Variants in RIF1 observed in about 807,000 individuals in gnomAD.
RIF1 encodes the protein telomere-associated protein RIF1.
RIF1 carries 45 observed loss-of-function variants against 247.1 expected under a neutral mutation model. The ratio of observed to expected loss-of-function variants is 0.18; its 90% confidence interval spans 0.14 to 0.23. The LOEUF is 0.23. RIF1 is among the 10% of genes least tolerant of loss of function. The pLI, the probability that RIF1 is intolerant of heterozygous loss-of-function variation, is 1.00. For missense variants in RIF1, 2,967 were observed against 2,862.5 expected, an observed-to-expected ratio of 1.04 and a Z score of -0.83; for synonymous variants, 1,087 against 978.8, an observed-to-expected ratio of 1.11 and a Z score of -2.06.
the RIF1 span, among the ~76,000 whole-genome samples, chr2:151,517,482 TA>T: frequency 6.6e-6 from 1 of 152,244 alleles, no homozygotes; most frequent in Non-Finnish European, 1.5e-5. Context: ...CATGTGATAG[TA>T]AGTTCTTTCC....
chr2:151,457,276 C>A (rs1390862878), intron 23 of RIF1, among the ~76,000 whole-genome samples: 1 of 152,142 alleles, frequency 6.6e-6, no homozygotes, highest in Non-Finnish European at 1.5e-5. Flanking sequence ...GCATACACCA[C>A]CACTCCTGGC....
intron 20 of RIF1, among the ~76,000 whole-genome samples, chr2:151,448,475 A>G (rs539104047): frequency 7.2e-5 from 11 of 152,302 alleles, no homozygotes; most frequent in African/African-American, 2.6e-4. Context: ...GGATTTATAT[A>G]CATATCCTCT....
rs376368156 is a variant in RIF1 at position 151,451,538 on chromosome 2, G to C, written c.2245-68G>C. On this transcript the variant is annotated intron_variant, in intron 20 of 35. Transcript: ENST00000444746. ...GAGTAACAGTCTTATATTTTTTCATGTTGCTTACTTTTGTTGAATACTGTC... is the reference window on the plus strand; with the variant it reads ...GAGTAACAGTCTTATATTTTTTCATCTTGCTTACTTTTGTTGAATACTGTC... The C allele has an allele frequency of 1.5e-4, 118 of 792,694 alleles. No individual in the cohort carries two copies. The African/African-American group carries it at 1.8e-3, about 12-fold the overall frequency. The allele number at this position is 792,694 out of a possible 1,614,324, so 49.1% of individuals were successfully genotyped here.
intron 9 of RIF1, chr2:151,491,719 C>CT: frequency 6.3e-7 from 1 of 1,598,586 alleles, no homozygotes; most frequent in Non-Finnish European, 8.5e-7. Context: ...TGGATGTTGT[C>CT]TTCTGCTGGA....
intron 13 of RIF1, 32 bp downstream of exon 13, chr2:151,437,383 T>G (rs755200128): frequency 1.3e-6 from 2 of 1,536,986 alleles, no homozygotes; most frequent in Admixed American, 3.4e-5. Flanking sequence ...TTTGCTCAAA[T>G]GTGTGTTTAA....
chr2:151,431,479 T>A (rs1026008695), intron 9 of RIF1, among the ~76,000 whole-genome samples: 1 of 152,212 alleles, frequency 6.6e-6, no homozygotes. Flanking sequence ...TGTAGAGATA[T>A]TATTATGGAG....
chr2:151,474,157 A>G, intron 35 of RIF1, 85 bp downstream of exon 35: 1 of 723,456 alleles, frequency 1.4e-6, no homozygotes, highest in Non-Finnish European at 2.4e-6. Flanking sequence ...GTCTGATTTG[A>G]CCATGCCTTA....
downstream of RIF1, among the ~76,000 whole-genome samples, chr2:151,487,046 TGTGTG>T (rs1044228849): frequency 1.1e-4 from 16 of 151,370 alleles, no homozygotes; most frequent in Admixed American, 2.0e-4. Flanking sequence ...TGCATGAAAT[TGTGTG>T]TGTGTGCGCA....
At position 151,481,272 on chromosome 2, in the gene RIF1, G is replaced by T. The variant is rs73005906; in HGVS notation, c.*6201G>T. 6.6e-6 allele frequency: 1 copy of T among 152,126 alleles called. No homozygotes were observed. Among genetic ancestry groups the T allele is most frequent in the Non-Finnish European group, 1.5e-5 (1 of 68,016 alleles). The allele number at this position is 152,126 out of a possible 1,614,324, so 9.4% of individuals were successfully genotyped here. ...TGATTACTTAATTTCTGTTACCCCTGTGTTTTCCAGAATGGCTTCTCCTGA... is the reference window on the plus strand; with the variant it reads ...TGATTACTTAATTTCTGTTACCCCTTTGTTTTCCAGAATGGCTTCTCCTGA... On this transcript the variant is annotated 3_prime_UTR_variant, in exon 36 of 36. Transcript: ENST00000444746.
chr2:151,529,754 C>T, the RIF1 span, among the ~76,000 whole-genome samples: 1 of 152,132 alleles, frequency 6.6e-6, no homozygotes, highest in Non-Finnish European at 1.5e-5. Context: ...GTCTCGAACT[C>T]GTGACCTCAG....
intron 20 of RIF1, among the ~76,000 whole-genome samples, chr2:151,449,910 T>C (rs540386614): frequency 3.0e-4 from 45 of 151,516 alleles, no homozygotes; most frequent in African/African-American, 1.1e-3. Flanking sequence ...TGGTGCGATC[T>C]CGGCTCACTG....
At chr2:151,419,368 C>T (rs1687781143) in intron 6 of RIF1, among the ~76,000 whole-genome samples, 1 of 151,866 alleles carries the variant, frequency 6.6e-6, no homozygotes, top group Non-Finnish European at 1.5e-5. Context: ...GCTCTGTCAC[C>T]AGGCTGGAGC....
chr2:151,462,139 C>G, intron 27 of RIF1, 103 bp from the exon 28 acceptor site: 1 of 679,100 alleles, frequency 1.5e-6, no homozygotes, highest in Non-Finnish European at 2.3e-6. Flanking sequence ...TCCCAAAGTG[C>G]TGGGATTACA....
chr2:151,460,813 A>G (rs1251480350), intron 26 of RIF1, among the ~76,000 whole-genome samples: 3 of 152,226 alleles, frequency 2.0e-5, no homozygotes, highest in African/African-American at 7.2e-5. Context: ...TCATGCCTCA[A>G]CTTGAGAGCT....
the RIF1 span, among the ~76,000 whole-genome samples, chr2:151,530,034 C>G: frequency 1.3e-5 from 2 of 152,170 alleles, no homozygotes; most frequent in African/African-American, 4.8e-5. Context: ...TAGCTATTAT[C>G]ATATCGTGTT....
rs114798570 is a variant in RIF1, at chr2:151,488,001, A to G, written c.*415+4666A>G. The stretch of plus-strand genomic sequence containing the variant: ...TACTTTGTATTATGTACTTTATCTT[A>G]TTTTTATATTCTTGGTTACTAGCAC... On this transcript the variant is annotated intron_variant and NMD_transcript_variant, in intron 9 of 13. Coordinates refer to the RIF1 transcript ENST00000454583. Among the ~76,000 whole-genome samples, 1,113 of 152,086 alleles carry G rather than the reference A, an allele frequency of 7.3e-3. 14 individuals carry two copies. Among genetic ancestry groups the G allele is most frequent in the African/African-American group, 0.026 (1,069 of 41,484 alleles).
At chr2:151,496,968 G>A in intron 10 of RIF1, 1 of 1,579,856 alleles carries the variant, frequency 6.3e-7, no homozygotes. Context: ...GATTGTGTTT[G>A]ACTCTCTCCA....
chr2:151,424,940 A>G (rs1161518730), intron 8 of RIF1, among the ~76,000 whole-genome samples: 3 of 147,842 alleles, frequency 2.0e-5, no homozygotes, highest in African/African-American at 7.5e-5. Context: ...CAGCCTCCAA[A>G]ATTGTTGGAT....
At chr2:151,446,287 C>T in intron 19 of RIF1, 139 bp from the exon 20 acceptor site, 1 of 806,924 alleles carries the variant, frequency 1.2e-6, no homozygotes, top group South Asian at 1.8e-5. Context: ...GCGTGAGCCA[C>T]TGCACCCGGC....
Sources: allele counts gnomAD v4.1 joint callset (sites outside exome capture counted in the v4.1 genomes callset), GRCh38; gene constraint gnomAD v4.1.1; transcripts MANE v1.5; gene names NCBI Gene and HGNC (gene_info 2026-07-23, HGNC 2026-07-21).